Variants in CCDC171 observed in about 807,000 individuals in gnomAD.
The protein encoded by CCDC171 is coiled-coil domain containing 171.
Under a neutral mutation model 168.2 loss-of-function variants are expected in CCDC171, and 177 were observed. The observed-to-expected ratio is 1.05, with a 90% CI of 0.93 to 1.19. The LOEUF (loss-of-function observed/expected upper bound fraction) is 1.19. Among genes scored for constraint, CCDC171 ranks in the 50% most tolerant of loss-of-function variants. The pLI is 0.00. For missense variants in CCDC171, 1,991 were observed against 1,539.0 expected (o/e 1.29, Z -4.91); for synonymous variants, 687 against 540.8 (o/e 1.27, Z -3.75).
rs371730935 is a variant in CCDC171, at chr9:15,591,355, A to T, written c.353-11A>T. ...TGGTTGTAAATGTACCTATTATTCTATTCTTAATAGCACAGAATTCAGAAC... is the reference window on the plus strand; with the variant it reads ...TGGTTGTAAATGTACCTATTATTCTTTTCTTAATAGCACAGAATTCAGAAC... On this transcript the variant is annotated splice_polypyrimidine_tract_variant and intron_variant, in intron 4 of 25. Transcript: ENST00000380701. 9.1e-6 allele frequency: 14 copies of T among 1,542,278 alleles called. No individual in the cohort carries two copies. The highest frequency in any genetic ancestry group is 1.4e-5 in the African/African-American group (1 of 72,372).
chr9:15,734,636 G>C (rs533778584), intron 16 of CCDC171, among the ~76,000 whole-genome samples: 1 of 151,932 alleles, frequency 6.6e-6, no homozygotes, highest in African/African-American at 2.4e-5. Flanking sequence ...TGAATACACT[G>C]CAGCAATTTA....
chr9:16,000,185 C>G (rs1003146580), intron 3 of CCDC171, among the ~76,000 whole-genome samples: 1 of 152,150 alleles, frequency 6.6e-6, no homozygotes, highest in Non-Finnish European at 1.5e-5. Flanking sequence ...TTGTGAAATC[C>G]AAAACATGCA....
intron 6 of CCDC171, among the ~76,000 whole-genome samples, chr9:15,599,993 C>G (rs1181154498): frequency 6.6e-6 from 1 of 151,876 alleles, no homozygotes; most frequent in Admixed American, 6.6e-5. Flanking sequence ...TGGTTTTCAG[C>G]TCCGTCAGGT....
intron 5 of CCDC171, among the ~76,000 whole-genome samples, chr9:15,592,130 A>T (rs1260304336): frequency 3.3e-5 from 5 of 149,816 alleles, no homozygotes; most frequent in African/African-American, 1.2e-4. Context: ...TATATTTGCC[A>T]TTTTTTTTGA....
chr9:15,989,029 A>G (rs2132899306), intron 3 of CCDC171, among the ~76,000 whole-genome samples: 1 of 152,328 alleles, frequency 6.6e-6, no homozygotes, highest in South Asian at 2.1e-4. Context: ...AAAAGGCAGC[A>G]GAAACCTCTG....
chr9:16,042,125 C>G (rs907655564), upstream of CCDC171, among the ~76,000 whole-genome samples: 1 of 152,178 alleles, frequency 6.6e-6, no homozygotes, highest in African/African-American at 2.4e-5. Flanking sequence ...CGTCGTGGAG[C>G]AAGACTCTTG....
chr9:15,897,454 A>G (rs1355307534), intron 24 of CCDC171, among the ~76,000 whole-genome samples: 3 of 152,140 alleles, frequency 2.0e-5, no homozygotes, highest in Non-Finnish European at 4.4e-5. Context: ...TTGATAGAAT[A>G]GAGATTCATT....
chr9:15,680,054 A>G (rs2049934575), intron 10 of CCDC171, among the ~76,000 whole-genome samples: 1 of 152,060 alleles, frequency 6.6e-6, no homozygotes, highest in Admixed American at 6.6e-5. Flanking sequence ...GTGCCTCCTC[A>G]ACAGTATTTC....
chr9:15,931,456 CT>C (rs57124025), intron 25 of CCDC171, among the ~76,000 whole-genome samples: 6,167 of 45,360 alleles, frequency 0.14, 131 homozygotes, highest in Middle Eastern at 0.17. Context: ...TTCTTTCTTT[CT>C]TTTTTTTTTT....
At chr9:16,004,232 C>G (rs1278598625) in intron 3 of CCDC171, among the ~76,000 whole-genome samples, 1 of 152,098 alleles carries the variant, frequency 6.6e-6, no homozygotes, top group Non-Finnish European at 1.5e-5. Context: ...AGTGAAGGCC[C>G]AAAGCAGAGG....
intron 6 of CCDC171, among the ~76,000 whole-genome samples, chr9:16,028,732 A>C (rs1182609244): frequency 6.6e-6 from 1 of 152,014 alleles, no homozygotes; most frequent in African/African-American, 2.4e-5. Flanking sequence ...CTGTATTCTG[A>C]AATTGCTGCA....
chr9:15,592,317 G>A (rs949879430), intron 5 of CCDC171, among the ~76,000 whole-genome samples: 3 of 151,632 alleles, frequency 2.0e-5, no homozygotes, highest in Non-Finnish European at 4.4e-5. Context: ...TCCAGCCTGA[G>A]CAATATAGTG....
chr9:15,801,434 G>A (rs1043261144), intron 21 of CCDC171, among the ~76,000 whole-genome samples: 10 of 151,842 alleles, frequency 6.6e-5, no homozygotes, highest in Admixed American at 2.0e-4. Flanking sequence ...TTAGGCATAT[G>A]GAAATACTAC....
exon 6 of CCDC171, chr9:16,022,807 T>C (rs55920240): frequency 0.036 from 5,530 of 152,256 alleles, 152 homozygotes; most frequent in Non-Finnish European, 0.061. Flanking sequence ...TCCACCTGAG[T>C]CCCACCAGCC....
At chr9:15,585,128 ATATTTTTT>A (rs2041454911) in intron 4 of CCDC171, among the ~76,000 whole-genome samples, 1 of 152,238 alleles carries the variant, frequency 6.6e-6, no homozygotes, top group Non-Finnish European at 1.5e-5. Context: ...ACAGGGACTC[ATATTTTTT>A]GTTAATGGGA....
intron 7 of CCDC171, among the ~76,000 whole-genome samples, chr9:15,638,808 C>G (rs911265146): frequency 1.3e-5 from 2 of 151,770 alleles, no homozygotes; most frequent in Admixed American, 6.6e-5. Context: ...AAATGCAGTA[C>G]TGGATACCAT....
chr9:15,927,981 G>A (rs138667501), intron 25 of CCDC171, among the ~76,000 whole-genome samples: 398 of 151,688 alleles, frequency 2.6e-3, no homozygotes, highest in African/African-American at 9.2e-3. Context: ...ACAGCTGTTA[G>A]CCTTGACAAT....
rs754707160 is a variant in CCDC171, at chr9:15,591,539, C to T, written c.526C>T (p.Leu176=). The change falls in exon 5 of 26, where the codon CTA becomes TTA. Residue 176 remains leucine (L), a synonymous_variant. Transcript: ENST00000380701. ...YDLLMKEKSR[L]EKTLQEALEK... ...TTTACTTATGAAAGAAAAAAGCAGA[C>T]TAGAGAAAACTCTACAGGTAAAATA... The T allele has an allele frequency of 1.9e-6, 3 of 1,558,866 alleles. No individual in the cohort carries two copies. The highest frequency in any genetic ancestry group is 2.8e-5 in the African/African-American group (2 of 71,984).
At chr9:15,962,905 GTA>G (rs149427747) in intron 25 of CCDC171, among the ~76,000 whole-genome samples, 8 of 150,004 alleles carry the variant, frequency 5.3e-5, no homozygotes, top group Non-Finnish European at 7.4e-5. Flanking sequence ...TTATATATAT[GTA>G]TATATATATA....
Sources: gnomAD v4.1 joint callset for allele counts (sites outside exome capture counted in the v4.1 genomes callset) on GRCh38, gnomAD v4.1.1 for gene constraint, MANE v1.5 for transcripts, NCBI Gene and HGNC (gene_info 2026-07-23, HGNC 2026-07-21) for gene names.